NAALADL2: variants seen among roughly 807,000 people sequenced by gnomAD.
The protein encoded by NAALADL2 is N-acetylated alpha-linked acidic dipeptidase like 2.
NAALADL2 carries 76 observed loss-of-function variants against 87.2 expected under a neutral mutation model. The observed-to-expected ratio is 0.87, with a 90% CI of 0.72 to 1.05. The LOEUF (loss-of-function observed/expected upper bound fraction) is 1.05, where lower values mean the gene tolerates loss of function less well. Among genes scored for constraint, NAALADL2 ranks in the 50% least tolerant of loss-of-function variants. The pLI is 0.00. For missense variants in NAALADL2, 1,089 were observed against 945.8 expected, an observed-to-expected ratio of 1.15 and a Z score of -1.99; for synonymous variants, 354 against 331.0, an observed-to-expected ratio of 1.07 and a Z score of -0.75.
At chr3:175,415,597 T>C (rs1200415407) in intron 5 of NAALADL2, among the ~76,000 whole-genome samples, 1 of 152,070 alleles carries the variant, frequency 6.6e-6, no homozygotes, top group Non-Finnish European at 1.5e-5. Context: ...ATGCATAAGA[T>C]ACAAACTCAT....
Position 175,549,116 on chromosome 3 carries a change from A to G in NAALADL2, c.1654-26925A>G, listed in dbSNP as rs115944758. 8.9e-3 allele frequency among the ~76,000 whole-genome samples: 1,322 copies of G among 147,770 alleles called. 24 individuals carry two copies. Among genetic ancestry groups the G allele is most frequent in the African/African-American group, 0.031 (1,251 of 40,290 alleles). On this transcript the variant is annotated intron_variant, in intron 9 of 13. Coordinates refer to ENST00000454872, the MANE Select transcript of NAALADL2 (RefSeq NM_207015.3). ...TAGTTGAAAGTGACTTTTTGATACT[A>G]TATACATACAGTTTTGAGATTATCA... is the stretch of plus-strand genomic sequence containing the variant.
At position 175,432,451 on chromosome 3, in the gene NAALADL2, G is replaced by A. The variant is rs1203333707; in HGVS notation, c.1091-14778G>A. 2.0e-5 allele frequency among the ~76,000 whole-genome samples: 3 copies of A among 151,862 alleles called. No homozygotes were observed. In the East Asian group the frequency reaches 5.8e-4, roughly 29 times the overall value. On this transcript the variant is annotated intron_variant, in intron 5 of 13. Transcript: ENST00000454872. ...ATAAAAATCTCCCAGTACTTACTCA[G>A]TTTTCTTAATTTAATATATAAAACC...
chr3:175,081,161 T>C (rs962610290), intron 1 of NAALADL2: 1 of 152,124 alleles, frequency 6.6e-6, no homozygotes, highest in South Asian at 2.1e-4. Context: ...AAACATATGA[T>C]TGAGGATATG....
At chr3:175,062,084 T>A (rs1000584775) in intron 1 of NAALADL2, among the ~76,000 whole-genome samples, 13 of 144,402 alleles carry the variant, frequency 9.0e-5, no homozygotes, top group African/African-American at 3.4e-4. Flanking sequence ...TTAATTACTG[T>A]CAGAACAGTG....
chr3:175,660,204 A>C (rs752467882), intron 11 of NAALADL2, among the ~76,000 whole-genome samples: 3 of 152,096 alleles, frequency 2.0e-5, no homozygotes, highest in Non-Finnish European at 4.4e-5. Context: ...TGATACTATT[A>C]AATCAGAGAT....
intron 1 of NAALADL2, among the ~76,000 whole-genome samples, chr3:174,949,532 G>C (rs535844682): frequency 3.3e-5 from 5 of 152,170 alleles, no homozygotes; most frequent in African/African-American, 9.6e-5. Context: ...TCAGTAATCA[G>C]CTATTATTGG....
At chr3:175,154,731 T>C (rs17530417) in intron 2 of NAALADL2, among the ~76,000 whole-genome samples, 57,399 of 151,964 alleles carry the variant, frequency 0.38, 11,987 homozygotes, top group East Asian at 0.58. Context: ...GAGGAATTAA[T>C]GATGGATGTC....
Position 175,386,802 on chromosome 3 carries a change from C to G in NAALADL2, c.1091-60427C>G, listed in dbSNP as rs1415910709. On this transcript the variant is annotated intron_variant, in intron 5 of 13. Transcript: ENST00000454872. ...TCTTATGCTACTTGTATGTTAGTCA[C>G]TCTGTAGCCATCTTGTTATCAGATC... Among the ~76,000 whole-genome samples the G allele has an allele frequency of 5.9e-5, 9 of 152,218 alleles. No individual in the cohort carries two copies. In the East Asian group the frequency reaches 1.7e-3, roughly 29 times the overall value.
chr3:175,237,390 T>C (rs1746085285), intron 3 of NAALADL2, among the ~76,000 whole-genome samples: 1 of 152,154 alleles, frequency 6.6e-6, no homozygotes, highest in Admixed American at 6.5e-5. Flanking sequence ...TAAATTTTAC[T>C]TGAGCACCAT....
intron 3 of NAALADL2, among the ~76,000 whole-genome samples, chr3:174,765,729 T>G (rs1713728622): frequency 6.6e-6 from 1 of 152,198 alleles, no homozygotes; most frequent in South Asian, 2.1e-4. Context: ...TATTATTCAG[T>G]AGAATGCCAT....
intron 1 of NAALADL2, among the ~76,000 whole-genome samples, chr3:174,863,163 G>C (rs1248175720): frequency 6.6e-6 from 1 of 152,062 alleles, no homozygotes; most frequent in Admixed American, 6.6e-5. Flanking sequence ...AATTGTTTTT[G>C]GTTTCACAGA....
intron 1 of NAALADL2, among the ~76,000 whole-genome samples, chr3:174,878,725 A>G (rs1392153460): frequency 6.6e-6 from 1 of 151,920 alleles, no homozygotes; most frequent in African/African-American, 2.4e-5. Flanking sequence ...CTGGTTTCCT[A>G]TAGACCCCAC....
At chr3:174,441,489 G>A (rs1041814012) in intron 1 of NAALADL2, among the ~76,000 whole-genome samples, 3 of 152,250 alleles carry the variant, frequency 2.0e-5, no homozygotes, top group African/African-American at 7.2e-5. Flanking sequence ...GCGGCGCCGC[G>A]GGCCCGCGCG....
intron 1 of NAALADL2, among the ~76,000 whole-genome samples, chr3:175,005,625 ACT>A (rs1320945062): frequency 1.3e-5 from 2 of 152,048 alleles, no homozygotes; most frequent in Admixed American, 6.6e-5. Context: ...AAGAAGAGAA[ACT>A]CTCTTCCAAA....
At chr3:175,058,824 T>G (rs895211882) in intron 1 of NAALADL2, among the ~76,000 whole-genome samples, 1 of 152,228 alleles carries the variant, frequency 6.6e-6, no homozygotes, top group Non-Finnish European at 1.5e-5. Context: ...ATCCTTAACA[T>G]TAAGACCTGT....
At chr3:175,350,917 A>T (rs1431877251) in intron 5 of NAALADL2, among the ~76,000 whole-genome samples, 7 of 152,164 alleles carry the variant, frequency 4.6e-5, no homozygotes, top group African/African-American at 1.4e-4. Context: ...ATACTTTCAC[A>T]TACATACAAA....
At chr3:174,628,949 T>C (rs1399250073) in intron 2 of NAALADL2, among the ~76,000 whole-genome samples, 1 of 152,224 alleles carries the variant, frequency 6.6e-6, no homozygotes. Flanking sequence ...ATAGTTGATC[T>C]TAAAATATCT....
At chr3:175,125,162 T>C (rs189057495) in intron 2 of NAALADL2, among the ~76,000 whole-genome samples, 24 of 152,116 alleles carry the variant, frequency 1.6e-4, no homozygotes. Flanking sequence ...AAATGTATTT[T>C]AAATTTTACT....
intron 1 of NAALADL2, among the ~76,000 whole-genome samples, chr3:175,016,736 A>T (rs902618963): frequency 6.6e-6 from 1 of 151,992 alleles, no homozygotes; most frequent in African/African-American, 2.4e-5. Context: ...GATCATAGGA[A>T]TCATAATGAA....
Sources: gnomAD v4.1 joint callset for allele counts (sites outside exome capture counted in the v4.1 genomes callset) on GRCh38, gnomAD v4.1.1 for gene constraint, MANE v1.5 for transcripts, NCBI Gene and HGNC (gene_info 2026-07-23, HGNC 2026-07-21) for gene names.